The following IGSF21 variants were observed in gnomAD, a reference collection of about 807,000 sequenced individuals.
IGSF21 encodes the protein immunoglobulin superfamily member 21.
Under a neutral mutation model 46.8 loss-of-function variants are expected in IGSF21, and 28 were observed. The ratio of observed to expected loss-of-function variants is 0.60; its 90% CI spans 0.44 to 0.82. The LOEUF is 0.82. IGSF21 is among the 40% of genes least tolerant of loss of function. The probability of loss-of-function intolerance (pLI) is 0.00; values close to 1 mark genes in which losing one functional copy is unlikely to be tolerated. For synonymous variants in IGSF21, 284 were observed against 273.6 expected, an observed-to-expected ratio of 1.04 and a Z score of -0.38; for missense variants, 624 against 665.5, an observed-to-expected ratio of 0.94 and a Z score of 0.69.
intron 1 of IGSF21, among the ~76,000 whole-genome samples, chr1:18,144,751 C>A (rs559671603): frequency 6.6e-6 from 1 of 152,020 alleles, no homozygotes; most frequent in East Asian, 1.9e-4. Context: ...CAGGGCCACT[C>A]GGACAGAGAG....
chr1:18,263,929 C>T (rs574436912), intron 2 of IGSF21, among the ~76,000 whole-genome samples: 1 of 152,304 alleles, frequency 6.6e-6, no homozygotes, highest in East Asian at 1.9e-4. Context: ...TAAGTGGAAG[C>T]AACAACTCAT....
chr1:18,217,604 G>A (rs918921515), intron 1 of IGSF21, among the ~76,000 whole-genome samples: 2 of 152,212 alleles, frequency 1.3e-5, no homozygotes, highest in African/African-American at 4.8e-5. Flanking sequence ...CCTTGTGGAT[G>A]CATTGTGTCC....
At chr1:18,161,682 CAT>C (rs1241091306) in intron 1 of IGSF21, among the ~76,000 whole-genome samples, 1 of 152,156 alleles carries the variant, frequency 6.6e-6, no homozygotes, top group Non-Finnish European at 1.5e-5. Flanking sequence ...TAAACAAACA[CAT>C]GTTTGAAAGG....
rs1389338859 is a variant in IGSF21 at position 18,322,274 on chromosome 1, C to T, written c.306-12618C>T. On this transcript the variant is annotated intron_variant, in intron 3 of 9. Coordinates refer to ENST00000251296, the MANE Select transcript of IGSF21 (RefSeq NM_032880.5). This position sits in a 1 kb window ranked among gnomAD's most constrained non-coding sequence, Gnocchi z 4.3. ...ATGCTGACCTTGCCCACAGTAGGGG[C>T]ACAGCCATGTTCATTGAAAAAAGAT... is the stretch of plus-strand genomic sequence containing the variant. 4.6e-5 allele frequency among the ~76,000 whole-genome samples: 7 copies of T among 151,816 alleles called. No individual in the cohort carries two copies. Among genetic ancestry groups the T allele is most frequent in the Admixed American group, 4.6e-4 (7 of 15,260 alleles).
intron 1 of IGSF21, among the ~76,000 whole-genome samples, chr1:18,126,575 A>T (rs2124412464): frequency 6.6e-6 from 1 of 152,088 alleles, no homozygotes; most frequent in East Asian, 1.9e-4. Context: ...GCTGTTGGGG[A>T]TCCTGACTGC....
intron 2 of IGSF21, among the ~76,000 whole-genome samples, chr1:18,253,112 A>G (rs2084858113): frequency 6.6e-6 from 1 of 152,078 alleles, no homozygotes; most frequent in South Asian, 2.1e-4. Flanking sequence ...AACTCACTCT[A>G]CCATAATAAA....
intron 1 of IGSF21, among the ~76,000 whole-genome samples, chr1:18,135,927 T>C (rs887274660): frequency 6.6e-6 from 1 of 152,172 alleles, no homozygotes; most frequent in Non-Finnish European, 1.5e-5. Context: ...GCACCTGTTG[T>C]TTCCTGACTT....
rs1055722301 is a variant in IGSF21 at position 18,146,293 on chromosome 1, G to A, written c.70+38095G>A. Among the ~76,000 whole-genome samples, 11 of 152,146 alleles carry A rather than the reference G, an allele frequency of 7.2e-5. 1 individual carries two copies. The highest frequency in any genetic ancestry group is 1.9e-4 in the East Asian group (1 of 5,194). On this transcript the variant is annotated intron_variant, in intron 1 of 9. Coordinates refer to ENST00000251296, the MANE Select transcript of IGSF21 (RefSeq NM_032880.5). ...GCACTGGGCCTAGCAGGGAGTGAGC[G>A]TCCATCAGTTTGAGGATGGTCCCTT... is the stretch of plus-strand genomic sequence containing the variant.
intron 4 of IGSF21, among the ~76,000 whole-genome samples, chr1:18,352,356 T>C (rs1324588406): frequency 2.0e-5 from 3 of 152,106 alleles, no homozygotes; most frequent in African/African-American, 7.2e-5. Context: ...ATATTTGAAC[T>C]TGGATTAGAA....
intron 2 of IGSF21, among the ~76,000 whole-genome samples, chr1:18,251,064 G>A (rs1259088076): frequency 6.6e-6 from 1 of 152,092 alleles, no homozygotes; most frequent in Non-Finnish European, 1.5e-5. Flanking sequence ...CAGGCAGAGA[G>A]GGTATCTATG....
chr1:18,190,463 A>G (rs997980175), intron 1 of IGSF21, among the ~76,000 whole-genome samples: 1 of 152,104 alleles, frequency 6.6e-6, no homozygotes, highest in African/African-American at 2.4e-5. Flanking sequence ...CCTGGCACAC[A>G]CTAAGTGTTC....
chr1:18,140,594 T>G (rs1223847821), intron 1 of IGSF21, among the ~76,000 whole-genome samples: 1 of 152,230 alleles, frequency 6.6e-6, no homozygotes, highest in Non-Finnish European at 1.5e-5. Context: ...AGCCAGACCA[T>G]GCTTCACAGT....
At chr1:18,167,479 A>G (rs2086690804) in intron 1 of IGSF21, among the ~76,000 whole-genome samples, 1 of 152,114 alleles carries the variant, frequency 6.6e-6, no homozygotes, top group East Asian at 1.9e-4. Context: ...ATGCACCCCC[A>G]TGCTGGTTAG....
intron 4 of IGSF21, among the ~76,000 whole-genome samples, chr1:18,356,842 T>G (rs937021913): frequency 6.6e-6 from 1 of 151,540 alleles, no homozygotes; most frequent in Non-Finnish European, 1.5e-5. Context: ...GTGATAGGAA[T>G]GGAGGTGGGA....
intron 3 of IGSF21, among the ~76,000 whole-genome samples, chr1:18,307,693 G>A (rs1395613557): frequency 6.6e-6 from 1 of 152,250 alleles, no homozygotes; most frequent in Admixed American, 6.5e-5. Context: ...GGGCAGACAG[G>A]CAGCTGTGGT....
intron 2 of IGSF21, among the ~76,000 whole-genome samples, chr1:18,279,426 A>G (rs2085136755): frequency 6.6e-6 from 1 of 152,204 alleles, no homozygotes. Context: ...GGGCCTGCAT[A>G]TGCTCTATCG....
chr1:18,229,255 CTG>C (rs1258533376), intron 2 of IGSF21, among the ~76,000 whole-genome samples: 1 of 152,184 alleles, frequency 6.6e-6, no homozygotes, highest in Non-Finnish European at 1.5e-5. Flanking sequence ...GGGCACCAAA[CTG>C]TGATTCAAGA....
Position 18,334,977 on chromosome 1 carries a change from C to T in IGSF21, c.391C>T (p.Leu131=). ...YDRATREKVV[L]ASGNIFLNVM... ...CCGCGCCACCAGGGAGAAGGTGGTC[C>T]TGGCATCAGGCAACATCTTCCTCAA... The change falls in exon 4 of 10, where the codon CTG becomes TTG. Residue 131 remains leucine, a synonymous_variant. Coordinates refer to ENST00000251296, the MANE Select transcript of IGSF21 (RefSeq NM_032880.5). The surrounding 1 kb of genome is among the most constrained non-coding windows in gnomAD (Gnocchi z 4.3). 6.2e-7 allele frequency: 1 copy of T among 1,614,130 alleles called. No homozygotes were observed. Among genetic ancestry groups the T allele is most frequent in the Non-Finnish European group, 8.5e-7 (1 of 1,179,972 alleles).
intron 1 of IGSF21, among the ~76,000 whole-genome samples, chr1:18,191,888 G>A (rs1193218503): frequency 6.6e-6 from 1 of 152,154 alleles, no homozygotes; most frequent in Non-Finnish European, 1.5e-5. Context: ...GTCCGGGATG[G>A]GTGGGGCAAG....
Sources: allele counts gnomAD v4.1 joint callset (sites outside exome capture counted in the v4.1 genomes callset), GRCh38; gene constraint gnomAD v4.1.1; non-coding constraint Gnocchi (gnomAD v3.1); transcripts MANE v1.5; gene names NCBI Gene and HGNC (gene_info 2026-07-23, HGNC 2026-07-21).